The following SMIM23 variants were observed in gnomAD, a reference collection of about 807,000 sequenced individuals.
SMIM23 encodes small integral membrane protein 23, also known as CTB-78H18.1.
A neutral mutation model predicts 12.8 loss-of-function variants in SMIM23; 10 were observed. The ratio of observed to expected loss-of-function variants is 0.78; its 90% CI spans 0.48 to 1.32. The LOEUF (loss-of-function observed/expected upper bound fraction) is 1.32, where lower values mean the gene tolerates loss of function less well. Ranked by LOEUF, SMIM23 falls within the 40% of genes most tolerant of loss-of-function variation. SMIM23 has a pLI of 0.00. For synonymous variants in SMIM23, 78 were observed against 80.1 expected, an observed-to-expected ratio of 0.97 and a Z score of 0.14; for missense variants, 184 against 198.2, an observed-to-expected ratio of 0.93 and a Z score of 0.43.
chr5:171,784,068 A>T (rs1755769718), upstream of SMIM23, among the ~76,000 whole-genome samples: 1 of 152,222 alleles, frequency 6.6e-6, no homozygotes, highest in East Asian at 1.9e-4. Flanking sequence ...ATAGCAAGAC[A>T]CTGTCTCCAG....
At chr5:171,782,071 G>A (rs1755738258), upstream of SMIM23, among the ~76,000 whole-genome samples, 1 of 152,198 alleles carries the variant, frequency 6.6e-6, no homozygotes, top group African/African-American at 2.4e-5. Flanking sequence ...GGTTGTGGAA[G>A]CTTTGTTGTT....
intron 2 of SMIM23, 61 bp downstream of exon 2, chr5:171,790,342 T>C (rs1239079801): frequency 3.9e-5 from 59 of 1,526,704 alleles, no homozygotes; most frequent in Non-Finnish European, 5.1e-5. Context: ...GGTGGAGTGT[T>C]CCAAAGATGG....
At position 171,790,689 on chromosome 5, in the gene SMIM23, G is replaced by C; in HGVS notation, c.226-106G>C. The C allele has an allele frequency of 2.9e-6, 4 of 1,384,740 alleles. No individual in the cohort carries two copies. In the South Asian group the frequency reaches 5.2e-5, roughly 18 times the overall value. 85.8% of individuals were successfully genotyped at this position (1,384,740 alleles called of 1,614,324 possible). ...TGGGAACAGGTACTACGAGCACAAT[G>C]AGTAGCATGTGCAAAGGCCCAGGGA... On this transcript the variant is annotated intron_variant, in intron 3 of 3. Coordinates refer to ENST00000523047, the MANE Select transcript of SMIM23 (RefSeq NM_001289970.2).
chr5:171,772,710 T>A, the SMIM23 span, among the ~76,000 whole-genome samples: 2 of 151,870 alleles, frequency 1.3e-5, no homozygotes, highest in South Asian at 2.1e-4. Context: ...AGCCAAGGAG[T>A]CCTGACGACT....
rs1199663068 is a variant in SMIM23, at chr5:171,790,815, C to T, written c.246C>T (p.Asn82=). The change falls in exon 4 of 4, where the codon AAC becomes AAT. Residue 82 remains asparagine (N), a synonymous_variant. Coordinates refer to ENST00000523047, the MANE Select transcript of SMIM23 (RefSeq NM_001289970.2). ...TCCAGGGGCTTGAATATCAGACCAA[C>T]GAGCCCTCAGAAGAACCGATAAAGA... ...AVPQGLEYQT[N]EPSEEPIKTI... 8.5e-6 allele frequency: 13 copies of T among 1,536,068 alleles called. No individual in the cohort carries two copies. The highest frequency in any genetic ancestry group is 2.4e-5 in the East Asian group (1 of 40,920).
chr5:171,790,384 T>G, intron 2 of SMIM23, 98 bp from the exon 3 acceptor site: 1 of 1,500,488 alleles, frequency 6.7e-7, no homozygotes, highest in Non-Finnish European at 9.0e-7. Context: ...ATAACCCACC[T>G]TCTCCCACTG....
chr5:171,789,473 G>A (rs557203941), intron 1 of SMIM23, among the ~76,000 whole-genome samples: 1 of 152,252 alleles, frequency 6.6e-6, no homozygotes, highest in South Asian at 2.1e-4. Flanking sequence ...TTGTATATGA[G>A]TGTTCATAGC....
upstream of SMIM23, among the ~76,000 whole-genome samples, chr5:171,779,933 C>G (rs1048329671): frequency 6.6e-6 from 1 of 152,032 alleles, no homozygotes; most frequent in East Asian, 1.9e-4. Flanking sequence ...CCAGTTAGTT[C>G]ATCTCGTTTA....
the SMIM23 span, among the ~76,000 whole-genome samples, chr5:171,772,679 A>G: frequency 6.6e-6 from 1 of 152,206 alleles, no homozygotes; most frequent in East Asian, 1.9e-4. Flanking sequence ...ACGCCACAAA[A>G]GGGCTGACTT....
chr5:171,785,157 AAC>A (rs34740868), upstream of SMIM23, among the ~76,000 whole-genome samples: 16 of 149,776 alleles, frequency 1.1e-4, no homozygotes, highest in East Asian at 5.9e-4. Flanking sequence ...TTTAGAATTA[AAC>A]ACACACACAC....
At chr5:171,789,127 G>T (rs764807872) in intron 1 of SMIM23, among the ~76,000 whole-genome samples, 2 of 152,356 alleles carry the variant, frequency 1.3e-5, no homozygotes, top group South Asian at 4.1e-4. Context: ...GCGCCACCGC[G>T]CCTGGCCTAG....
At chr5:171,773,292 C>T in the SMIM23 span, among the ~76,000 whole-genome samples, 1 of 152,204 alleles carries the variant, frequency 6.6e-6, no homozygotes, top group Admixed American at 6.5e-5. Context: ...ATTCCTTCCA[C>T]CATGACTGCT....
At chr5:171,774,554 G>A in the SMIM23 span, 16 of 455,932 alleles carry the variant, frequency 3.5e-5, no homozygotes, top group South Asian at 1.1e-4. Flanking sequence ...AGTTCCTTGC[G>A]GGTTTATCTT....
intron 1 of SMIM23, among the ~76,000 whole-genome samples, chr5:171,787,774 TC>T (rs993224193): frequency 6.6e-6 from 1 of 152,242 alleles, no homozygotes; most frequent in African/African-American, 2.4e-5. Context: ...CCACCTGGCA[TC>T]CCACCCTTCA....
chr5:171,782,134 C>T (rs254919), upstream of SMIM23, among the ~76,000 whole-genome samples: 30,738 of 152,158 alleles, frequency 0.2, 4,403 homozygotes, highest in African/African-American at 0.4. Context: ...CCACCACCTT[C>T]AAGAGCTGTA....
Position 171,785,820 on chromosome 5 carries a change from G to A in SMIM23, c.-52G>A, listed in dbSNP as rs1251210105. The A allele has an allele frequency of 7.0e-7, 1 of 1,424,826 alleles. No homozygotes were observed. Among genetic ancestry groups the A allele is most frequent in the Non-Finnish European group, 9.6e-7 (1 of 1,045,506 alleles). 88.3% of individuals were successfully genotyped at this position (1,424,826 alleles called of 1,614,324 possible). A position where few individuals can be genotyped will look rare whatever the true frequency, so the allele number is the denominator to read the frequency against. On this transcript the variant is annotated 5_prime_UTR_variant, in exon 1 of 4. The change creates a new upstream start codon in the 5' untranslated region. Coordinates refer to ENST00000523047, the MANE Select transcript of SMIM23 (RefSeq NM_001289970.2). ...TGACCACAGGTGGGGGAGGGGAAGG[G>A]TGCCCTTCTGTCTGTTGAGTGTGGT...
intron 3 of SMIM23, 32 bp downstream of exon 3, chr5:171,790,581 C>T: frequency 3.9e-6 from 6 of 1,529,216 alleles, no homozygotes; most frequent in Non-Finnish European, 5.3e-6. Context: ...TGAGGTGAGG[C>T]AATCTGGGAA....
rs146713808 is a variant in SMIM23, at chr5:171,790,997, G to A, written c.428G>A (p.Ser143Asn). 5 of 1,535,746 alleles carry A rather than the reference G, an allele frequency of 3.3e-6. No individual in the cohort carries two copies. The East Asian group carries it at 9.8e-5, about 30-fold the overall frequency. Residue 143 changes from serine (S) to asparagine (N), a missense_variant, in exon 4 of 4, where the codon AGT (serine) becomes AAT (asparagine). By Grantham distance (46) the Ser-to-Asn change is conservative (BLOSUM62 1). Coordinates refer to ENST00000523047, the MANE Select transcript of SMIM23 (RefSeq NM_001289970.2). ...HQEEHCSTYK[S>N]HLWEWAWALG... ...GAGGAGCACTGCTCCACATATAAAA[G>A]TCACTTGTGGGAGTGGGCCTGGGCC...
intron 1 of SMIM23, among the ~76,000 whole-genome samples, chr5:171,786,245 C>T (rs539489028): frequency 2.0e-5 from 3 of 152,298 alleles, no homozygotes; most frequent in Admixed American, 6.5e-5. Flanking sequence ...TCCCTAGTGC[C>T]TAGCATGGTG....
Sources: gnomAD v4.1 joint callset for allele counts (sites outside exome capture counted in the v4.1 genomes callset) on GRCh38, gnomAD v4.1.1 for gene constraint, MANE v1.5 for transcripts, NCBI Gene and HGNC (gene_info 2026-07-23, HGNC 2026-07-21) for gene names.